The following SPAG17 variants were observed in gnomAD, a reference collection of about 807,000 sequenced individuals.
The protein encoded by SPAG17 is sperm-associated antigen 17.
In SPAG17, 169 loss-of-function variants were observed where a neutral mutation model predicts 273.6. That is an observed-to-expected ratio of 0.62 (90% CI 0.55 to 0.70). The LOEUF is 0.70. Among genes scored for constraint, SPAG17 ranks in the 30% least tolerant of loss-of-function variants. The pLI, the probability that SPAG17 is intolerant of heterozygous loss-of-function variation, is 0.00. For synonymous variants in SPAG17, 825 were observed against 873.2 expected (o/e 0.94, Z 0.97); for missense variants, 2,557 against 2,627.8 (o/e 0.97, Z 0.59).
intron 3 of SPAG17, among the ~76,000 whole-genome samples, chr1:118,116,227 A>G (rs1657073130): frequency 6.6e-6 from 1 of 152,224 alleles, no homozygotes; most frequent in Non-Finnish European, 1.5e-5. Context: ...AAATAAAATC[A>G]CGTAAAATAT....
intron 46 of SPAG17, among the ~76,000 whole-genome samples, chr1:117,969,241 T>C (rs78942216): frequency 6.6e-6 from 1 of 152,294 alleles, no homozygotes; most frequent in East Asian, 1.9e-4. Context: ...GTATTTTGTA[T>C]TTTCAGAGAT....
In SPAG17 at chr1:118,042,020, C is replaced by A. The variant is rs140661130; in HGVS notation, c.2837G>T (p.Arg946Leu). 763 of 1,612,204 alleles carry A rather than the reference C, an allele frequency of 4.7e-4. 5 individuals are homozygous for A. The East Asian group carries it at 0.016, about 33-fold the overall frequency. The change falls in exon 21 of 49, where the codon CGA becomes CTA. Residue 946 changes from arginine to leucine, a missense_variant. Arg to Leu is a moderately radical substitution (Grantham distance 102). Coordinates refer to ENST00000336338, the MANE Select transcript of SPAG17 (RefSeq NM_206996.4). ...SLKAWKEEQH[R>L]LAEEERLREE... ...CCTTAAGCGCTCCTCTTCTGCTAAT[C>A]GATGTTGCTCTTCTTTCCATGCCTG...
At chr1:118,068,368 T>G (rs75751575) in intron 17 of SPAG17, among the ~76,000 whole-genome samples, 2 of 152,102 alleles carry the variant, frequency 1.3e-5, no homozygotes, top group Non-Finnish European at 1.5e-5. Flanking sequence ...AATATTGTTA[T>G]GTAGGGTATC....
At chr1:118,052,452 A>G (rs1651166610) in intron 20 of SPAG17, among the ~76,000 whole-genome samples, 1 of 151,870 alleles carries the variant, frequency 6.6e-6, no homozygotes, top group Non-Finnish European at 1.5e-5. Context: ...ATTAGACAGG[A>G]GGAAAAAATT....
chr1:118,041,332 T>C (rs1649725894), intron 21 of SPAG17, among the ~76,000 whole-genome samples: 1 of 152,074 alleles, frequency 6.6e-6, no homozygotes, highest in Non-Finnish European at 1.5e-5. Context: ...GTTAGATTTC[T>C]TTCCATTTTT....
At position 117,966,845 on chromosome 1, in the gene SPAG17, C is replaced by G. The variant is rs540231806; in HGVS notation, c.6388-92G>C. The G allele has an allele frequency of 6.1e-6, 7 of 1,147,286 alleles. No individual in the cohort carries two copies. The East Asian group carries it at 1.6e-4, about 26-fold the overall frequency. 71.1% of individuals were successfully genotyped at this position (1,147,286 alleles called of 1,614,324 possible). On this transcript the variant is annotated intron_variant, in intron 46 of 48. Coordinates refer to ENST00000336338, the MANE Select transcript of SPAG17 (RefSeq NM_206996.4). ...AATTTGAGCAAGTTACTTAAACTCT[C>G]TTACCTTTGGTTTCTTCATCTATAA...
At chr1:118,114,727 T>G (rs1464855110) in intron 4 of SPAG17, among the ~76,000 whole-genome samples, 4 of 152,204 alleles carry the variant, frequency 2.6e-5, no homozygotes, top group Non-Finnish European at 4.4e-5. Context: ...AAAATATTTT[T>G]CATATGCAAA....
chr1:118,174,576 G>T (rs970466963), intron 1 of SPAG17, among the ~76,000 whole-genome samples: 3 of 152,150 alleles, frequency 2.0e-5, no homozygotes. Context: ...ATTGGTAATG[G>T]TTAAAAGCAT....
Position 118,148,181 on chromosome 1 carries a change from G to A in SPAG17, c.315+2362C>T, listed in dbSNP as rs76223746. ...AGAAATGGGATGTTGCAAGACTTTC[G>A]CTCCTCAGGAGTTTACCACTATCAA... is the stretch of plus-strand genomic sequence containing the variant. On this transcript the variant is annotated intron_variant, in intron 3 of 48. Coordinates refer to ENST00000336338, the MANE Select transcript of SPAG17 (RefSeq NM_206996.4). Among the ~76,000 whole-genome samples, 1,157 of 152,054 alleles carry A rather than the reference G, an allele frequency of 7.6e-3. 17 individuals are homozygous for A. Among genetic ancestry groups the A allele is most frequent in the African/African-American group, 0.026 (1,099 of 41,498 alleles).
chr1:118,002,559 T>A (rs905658859), intron 32 of SPAG17, among the ~76,000 whole-genome samples: 2 of 152,242 alleles, frequency 1.3e-5, no homozygotes, highest in African/African-American at 4.8e-5. Context: ...GTTGAATTGA[T>A]CCCTTTACAA....
chr1:118,180,762 A>G (rs942091957), intron 1 of SPAG17, among the ~76,000 whole-genome samples: 9 of 152,036 alleles, frequency 5.9e-5, no homozygotes, highest in Non-Finnish European at 1.2e-4. Context: ...AAAAATTTTA[A>G]AGGGAGTCCT....
At chr1:118,120,352 A>G (rs1657351794) in intron 3 of SPAG17, among the ~76,000 whole-genome samples, 1 of 152,212 alleles carries the variant, frequency 6.6e-6, no homozygotes, top group Non-Finnish European at 1.5e-5. Flanking sequence ...AATAGCCACA[A>G]GTGGCTAGTG....
intron 3 of SPAG17, among the ~76,000 whole-genome samples, chr1:118,131,760 G>T (rs1201976698): frequency 6.6e-6 from 1 of 152,130 alleles, no homozygotes; most frequent in Middle Eastern, 3.2e-3. Context: ...GGTAACTGTG[G>T]TCCCCTGAAG....
At chr1:118,075,554 C>T (rs1654007826) in intron 15 of SPAG17, among the ~76,000 whole-genome samples, 1 of 152,154 alleles carries the variant, frequency 6.6e-6, no homozygotes, top group Non-Finnish European at 1.5e-5. Flanking sequence ...TAGCATTTTG[C>T]AAATTTGATC....
At chr1:118,002,354 C>G (rs556418523) in intron 32 of SPAG17, among the ~76,000 whole-genome samples, 3 of 152,148 alleles carry the variant, frequency 2.0e-5, no homozygotes, top group African/African-American at 7.2e-5. Flanking sequence ...TGGTGCAGAA[C>G]TGAGTTCAAG....
At chr1:118,114,202 C>T (rs1656930653) in intron 4 of SPAG17, among the ~76,000 whole-genome samples, 1 of 152,050 alleles carries the variant, frequency 6.6e-6, no homozygotes, top group Admixed American at 6.6e-5. Flanking sequence ...GTACAACTCC[C>T]CCAACACGAT....
At chr1:118,060,520 T>C (rs1371164517) in intron 18 of SPAG17, among the ~76,000 whole-genome samples, 3 of 152,218 alleles carry the variant, frequency 2.0e-5, no homozygotes, top group Admixed American at 6.5e-5. Context: ...TTAATACATT[T>C]GTCTTTTAAC....
chr1:118,157,659 A>T (rs1294520987), intron 1 of SPAG17, among the ~76,000 whole-genome samples: 1 of 152,178 alleles, frequency 6.6e-6, no homozygotes, highest in East Asian at 1.9e-4. Flanking sequence ...TGGCACAGTA[A>T]TTAGGAGCCT....
At chr1:118,018,847 AG>A (rs1267635264) in intron 28 of SPAG17, among the ~76,000 whole-genome samples, 5 of 152,072 alleles carry the variant, frequency 3.3e-5, no homozygotes, top group Non-Finnish European at 7.4e-5. Flanking sequence ...TCAAGAATGA[AG>A]ACAACATAAA....
Sources: allele counts gnomAD v4.1 joint callset (sites outside exome capture counted in the v4.1 genomes callset), GRCh38; gene constraint gnomAD v4.1.1; transcripts MANE v1.5; gene names NCBI Gene and HGNC (gene_info 2026-07-23, HGNC 2026-07-21).